ZNF609: variants seen among roughly 807,000 people sequenced by gnomAD.
ZNF609 encodes zinc finger protein 609.
ZNF609 carries 11 observed loss-of-function variants against 109.5 expected under a neutral mutation model. That is an observed-to-expected ratio of 0.10 (90% CI 0.06 to 0.17). The LOEUF (loss-of-function observed/expected upper bound fraction) is 0.17. Ranked by LOEUF, ZNF609 falls within the 10% of genes least tolerant of loss-of-function variation. The pLI is 1.00. For synonymous variants in ZNF609, 646 were observed against 662.0 expected (o/e 0.98, Z 0.37); for missense variants, 1,559 against 1,772.4 (o/e 0.88, Z 2.16).
chr15:64,529,985 C>T (rs957080812), intron 2 of ZNF609, among the ~76,000 whole-genome samples: 4 of 151,944 alleles, frequency 2.6e-5, no homozygotes, highest in Non-Finnish European at 5.9e-5. Context: ...CCACCTCGGC[C>T]TCCCAAAGTG....
rs182760950 is a variant in ZNF609, at chr15:64,594,896, G to A, written c.748-27931G>A. The stretch of plus-strand genomic sequence containing the variant: ...AAAAAATTAGCCGGGCGCAGTGGCG[G>A]GTGCCTGTAGTCCCAGCTACTCGGG... On this transcript the variant is annotated intron_variant, in intron 2 of 9. Transcript: ENST00000326648. 8.8e-3 allele frequency among the ~76,000 whole-genome samples: 1,323 copies of A among 150,722 alleles called. 23 individuals are homozygous for A. The highest frequency in any genetic ancestry group is 0.031 in the African/African-American group (1,261 of 41,158).
At chr15:64,487,475 C>G (rs941735038) in intron 1 of ZNF609, among the ~76,000 whole-genome samples, 3 of 152,154 alleles carry the variant, frequency 2.0e-5, no homozygotes, top group Non-Finnish European at 2.9e-5. Flanking sequence ...TATGTAACCA[C>G]TATCCAGTTC....
intron 2 of ZNF609, among the ~76,000 whole-genome samples, chr15:64,568,174 C>T (rs1894807562): frequency 6.6e-6 from 1 of 152,084 alleles, no homozygotes; most frequent in African/African-American, 2.4e-5. Flanking sequence ...CATGACTCTC[C>T]AAAAACATGA....
chr15:64,489,173 G>GTTT (rs796158312), intron 1 of ZNF609, among the ~76,000 whole-genome samples: 5 of 144,480 alleles, frequency 3.5e-5, no homozygotes, highest in African/African-American at 1.0e-4. Flanking sequence ...CTAGTTTTGT[G>GTTT]TTTTTTTTTT....
chr15:64,466,145 C>T (rs955958982), intron 1 of ZNF609, among the ~76,000 whole-genome samples: 3 of 127,670 alleles, frequency 2.3e-5, no homozygotes, highest in Non-Finnish European at 3.4e-5. Flanking sequence ...AAAAAGTTAG[C>T]GGGGGGTATA....
chr15:64,532,480 G>A (rs1894076457), intron 2 of ZNF609, among the ~76,000 whole-genome samples: 1 of 152,166 alleles, frequency 6.6e-6, no homozygotes, highest in Non-Finnish European at 1.5e-5. Flanking sequence ...TGTGCAGTAT[G>A]GTAAATACTA....
Position 64,678,311 on chromosome 15 carries a change from C to T in ZNF609, c.3598C>T (p.Arg1200Cys), listed in dbSNP as rs768521202. Residue 1200 changes from arginine (R) to cysteine (C), a missense_variant, in exon 6 of 10, where the codon CGC becomes TGC. Physicochemically the swap from Arg to Cys is radical, Grantham distance 180 (BLOSUM62 -3). This residue lies in a region of ZNF609 where 1,204 missense variants were observed against 1,314.1 expected (regional missense o/e 0.92). Transcript: ENST00000326648. ...CAAGCTGCCCACGTCAGAGGAGTCT[C>T]GCCTTGGGAGCAAGGAGCCCCGGCC... ...DCKLPTSEES[R>C]LGSKEPRPSV... 1.2e-5 allele frequency: 19 copies of T among 1,614,164 alleles called. No homozygotes were observed. Among genetic ancestry groups the T allele is most frequent in the South Asian group, 2.2e-5 (2 of 91,084 alleles).
intron 2 of ZNF609, among the ~76,000 whole-genome samples, chr15:64,515,798 C>T (rs1214072730): frequency 1.3e-5 from 2 of 151,886 alleles, no homozygotes; most frequent in Non-Finnish European, 2.9e-5. Flanking sequence ...ATTAGCCGGT[C>T]GTGGTGGCAC....
chr15:64,499,214 T>C, intron 1 of ZNF609, 79 bp from the exon 2 acceptor site: 1 of 583,766 alleles, frequency 1.7e-6, no homozygotes, highest in East Asian at 3.0e-5. Flanking sequence ...GAAGGGTCTG[T>C]TTTTGTGTGG....
At chr15:64,515,276 CG>C (rs1893789907) in intron 2 of ZNF609, among the ~76,000 whole-genome samples, 1 of 152,118 alleles carries the variant, frequency 6.6e-6, no homozygotes, top group African/African-American at 2.4e-5. Context: ...ATACCTTATT[CG>C]AAGGCTTGGT....
Position 64,680,710 on chromosome 15 carries a change from G to T in ZNF609, c.4010G>T (p.Ser1337Ile). 6.2e-7 allele frequency: 1 copy of T among 1,613,000 alleles called. No homozygotes were observed. Among genetic ancestry groups the T allele is most frequent in the Non-Finnish European group, 8.5e-7 (1 of 1,179,758 alleles). ...GGCGVVGGGG[S>I]CSSVGGASGG... ...TGTGGGGTGGTTGGGGGTGGTGGCA[G>T]CTGTAGCAGCGTCGGGGGAGCAAGT... is the stretch of plus-strand genomic sequence containing the variant. The change falls in exon 8 of 10, where the codon AGC becomes ATC. Residue 1337 changes from serine (S) to isoleucine (I), a missense_variant. Physicochemically the swap from Ser to Ile is moderately radical, Grantham distance 142. This residue lies in a region of ZNF609 where 1,204 missense variants were observed against 1,314.1 expected (regional missense o/e 0.92). Transcript: ENST00000326648.
intron 2 of ZNF609, among the ~76,000 whole-genome samples, chr15:64,567,477 G>C (rs1482876592): frequency 6.7e-6 from 1 of 150,180 alleles, no homozygotes; most frequent in Non-Finnish European, 1.5e-5. Context: ...GCAAGACTCT[G>C]TCTCAAAAAA....
At chr15:64,528,368 G>A (rs1894002223) in intron 2 of ZNF609, among the ~76,000 whole-genome samples, 1 of 149,950 alleles carries the variant, frequency 6.7e-6, no homozygotes, top group Admixed American at 6.6e-5. Context: ...TATTGGTGGG[G>A]GTTTTAAAAA....
At chr15:64,508,530 G>T (rs1425593137) in intron 2 of ZNF609, among the ~76,000 whole-genome samples, 1 of 152,038 alleles carries the variant, frequency 6.6e-6, no homozygotes. Flanking sequence ...CTTCACATAA[G>T]GTGATAGCTA....
intron 2 of ZNF609, among the ~76,000 whole-genome samples, chr15:64,615,661 A>C (rs1160506217): frequency 6.6e-6 from 1 of 151,590 alleles, no homozygotes; most frequent in Non-Finnish European, 1.5e-5. Context: ...TAATTTTTGT[A>C]CTTATAGTAG....
intron 2 of ZNF609, among the ~76,000 whole-genome samples, chr15:64,539,856 C>T (rs113827343): frequency 0.048 from 7,333 of 152,074 alleles, 234 homozygotes; most frequent in South Asian, 0.087. Context: ...AGGCTGGTCT[C>T]AAACTCCTGA....
In ZNF609 at chr15:64,673,413, C is replaced by A. The variant is rs545586799; in HGVS notation, c.1062-503C>A. Among the ~76,000 whole-genome samples the A allele has an allele frequency of 2.0e-5, 3 of 152,170 alleles. No individual in the cohort carries two copies. The East Asian group carries it at 5.8e-4, about 29-fold the overall frequency. ...CAGATCTCCAGACATTCAAAGAACTCATGTACTCTTGGTTATATCTGATGT... is the reference window on the plus strand; with the variant it reads ...CAGATCTCCAGACATTCAAAGAACTAATGTACTCTTGGTTATATCTGATGT... On this transcript the variant is annotated intron_variant, in intron 4 of 9. Transcript: ENST00000326648.
chr15:64,621,667 T>C (rs1186338206), intron 2 of ZNF609, among the ~76,000 whole-genome samples: 2 of 152,152 alleles, frequency 1.3e-5, no homozygotes, highest in African/African-American at 4.8e-5. Flanking sequence ...ATCACAACTT[T>C]TATGTTGTCT....
intron 2 of ZNF609, among the ~76,000 whole-genome samples, chr15:64,573,720 C>G (rs1321515331): frequency 6.6e-6 from 1 of 152,066 alleles, no homozygotes; most frequent in African/African-American, 2.4e-5. Flanking sequence ...GCCTATTTCA[C>G]CCTTGTCTAT....
Sources: allele counts gnomAD v4.1 joint callset (sites outside exome capture counted in the v4.1 genomes callset), GRCh38; gene constraint gnomAD v4.1.1; regional missense constraint gnomAD v4.1.1; transcripts MANE v1.5; gene names NCBI Gene and HGNC (gene_info 2026-07-23, HGNC 2026-07-21).